Variants in GMDS observed in about 807,000 individuals in gnomAD.
GMDS encodes GDP-mannose 4,6 dehydratase.
A neutral mutation model predicts 49.9 loss-of-function variants in GMDS; 20 were observed. The observed-to-expected ratio is 0.40, with a 90% CI of 0.28 to 0.58. GMDS has a LOEUF of 0.58. Among genes scored for constraint, GMDS ranks in the 20% least tolerant of loss-of-function variants. The pLI is 0.42. For missense variants in GMDS, 362 were observed against 481.4 expected, an observed-to-expected ratio of 0.75 and a Z score of 2.32; for synonymous variants, 177 against 178.6, an observed-to-expected ratio of 0.99 and a Z score of 0.07.
chr6:2,025,359 T>G (rs1000522325), intron 4 of GMDS, among the ~76,000 whole-genome samples: 8 of 536 alleles, frequency 0.015, no homozygotes, highest in East Asian at 0.17. Flanking sequence ...GATGGTGGGG[T>G]GTGTGTGTGT....
chr6:1,653,782 C>G (rs1429154152), intron 9 of GMDS, among the ~76,000 whole-genome samples: 1 of 152,130 alleles, frequency 6.6e-6, no homozygotes, highest in Non-Finnish European at 1.5e-5. Flanking sequence ...TACCTTACAT[C>G]GTACATAAAA....
chr6:1,975,889 A>G (rs572048373), intron 4 of GMDS, among the ~76,000 whole-genome samples: 1 of 152,352 alleles, frequency 6.6e-6, no homozygotes, highest in African/African-American at 2.4e-5. Flanking sequence ...AGCAGAGTAG[A>G]AAGCAGAGTC....
At position 2,221,579 on chromosome 6, in the gene GMDS, G is replaced by A. The variant is rs868237678; in HGVS notation, c.102+23742C>T. On this transcript the variant is annotated intron_variant, in intron 1 of 10. Transcript: ENST00000380815. ...AATTTTTTGTATTTTTAGTAGAGAC[G>A]GGGTTTCACCGTGTTAGCTAGGATG... Among the ~76,000 whole-genome samples the A allele has an allele frequency of 5.3e-5, 8 of 152,052 alleles. No homozygotes were observed. The South Asian group carries it at 8.3e-4, about 16-fold the overall frequency.
At chr6:2,147,940 T>C (rs1419815999) in intron 1 of GMDS, among the ~76,000 whole-genome samples, 2 of 151,260 alleles carry the variant, frequency 1.3e-5, no homozygotes, top group African/African-American at 4.9e-5. Context: ...TAACAAAATA[T>C]TTATATATTG....
chr6:1,708,558 A>G (rs1765823097), intron 9 of GMDS, among the ~76,000 whole-genome samples: 1 of 152,250 alleles, frequency 6.6e-6, no homozygotes, highest in African/African-American at 2.4e-5. Context: ...ACTGCATCAG[A>G]TAACTGGTGC....
intron 7 of GMDS, among the ~76,000 whole-genome samples, chr6:1,898,863 T>C (rs1760355408): frequency 6.6e-6 from 1 of 152,136 alleles, no homozygotes. Context: ...GGATTTCCAA[T>C]GAACAGGACT....
At chr6:1,876,085 T>C (rs1353957044) in intron 7 of GMDS, among the ~76,000 whole-genome samples, 1 of 151,258 alleles carries the variant, frequency 6.6e-6, no homozygotes, top group Non-Finnish European at 1.5e-5. Context: ...TATATCTTCA[T>C]TTTAAAAAAT....
intron 6 of GMDS, among the ~76,000 whole-genome samples, chr6:1,954,191 G>A (rs1763509860): frequency 6.6e-6 from 1 of 152,228 alleles, no homozygotes; most frequent in South Asian, 2.1e-4. Flanking sequence ...AAAGGAAAAA[G>A]CAGTTTATTA....
At chr6:1,825,333 G>A (rs937987409) in intron 7 of GMDS, among the ~76,000 whole-genome samples, 2 of 152,138 alleles carry the variant, frequency 1.3e-5, no homozygotes, top group African/African-American at 4.8e-5. Context: ...TCTTAAAAAT[G>A]GACCAAACCA....
intron 4 of GMDS, among the ~76,000 whole-genome samples, chr6:2,027,621 TAA>T (rs939666013): frequency 1.3e-5 from 2 of 151,982 alleles, no homozygotes; most frequent in African/African-American, 4.8e-5. Context: ...ACATGGCAGC[TAA>T]AGGCAAGGAA....
intron 1 of GMDS, among the ~76,000 whole-genome samples, chr6:2,147,668 C>G (rs1776629651): frequency 6.6e-6 from 1 of 151,688 alleles, no homozygotes; most frequent in African/African-American, 2.4e-5. Context: ...CCACCACCAT[C>G]CATCAAGTGA....
chr6:2,063,810 AGT>A (rs1305400036), intron 4 of GMDS, among the ~76,000 whole-genome samples: 1 of 152,242 alleles, frequency 6.6e-6, no homozygotes, highest in African/African-American at 2.4e-5. Context: ...ACAAGACAAA[AGT>A]CACTTTTGTT....
intron 9 of GMDS, among the ~76,000 whole-genome samples, chr6:1,674,556 CTCTCTT>C (rs1186375837): frequency 2.1e-3 from 175 of 85,244 alleles, no homozygotes; most frequent in African/African-American, 6.0e-3. Context: ...CTCTCTCTCT[CTCTCTT>C]TTTTTTTTTT....
chr6:2,013,925 C>CACATATATATATAT (rs1767721969), intron 4 of GMDS, among the ~76,000 whole-genome samples: 2 of 125,122 alleles, frequency 1.6e-5, no homozygotes, highest in South Asian at 2.3e-4. Context: ...GGATAAAAAC[C>CACATATATATATAT]ATATATATAT....
At chr6:1,993,105 G>A (rs1266946427) in intron 4 of GMDS, among the ~76,000 whole-genome samples, 1 of 151,944 alleles carries the variant, frequency 6.6e-6, no homozygotes, top group African/African-American at 2.4e-5. Context: ...CGCTCACAGT[G>A]CTCTGTCACC....
chr6:1,822,469 G>A lies in GMDS; in HGVS notation c.772-79883C>T, dbSNP rs140203917. 3.1e-4 allele frequency among the ~76,000 whole-genome samples: 47 copies of A among 152,196 alleles called. 1 individual carries two copies. The East Asian group carries it at 4.6e-3, about 15-fold the overall frequency. On this transcript the variant is annotated intron_variant, in intron 7 of 10. Coordinates refer to ENST00000380815, the MANE Select transcript of GMDS (RefSeq NM_001500.4). The stretch of plus-strand genomic sequence containing the variant: ...GGAAAAAAATACATATACAAACTCC[G>A]GTAATAATCTGACGAATTCCAAGAG...
chr6:1,993,660 T>C (rs578008579), intron 4 of GMDS, among the ~76,000 whole-genome samples: 1 of 152,248 alleles, frequency 6.6e-6, no homozygotes, highest in Admixed American at 6.5e-5. Context: ...CAAAGCTCTA[T>C]TTTATAAATG....
At chr6:2,146,404 G>T (rs1776562140) in intron 1 of GMDS, among the ~76,000 whole-genome samples, 1 of 152,188 alleles carries the variant, frequency 6.6e-6, no homozygotes, top group South Asian at 2.1e-4. Context: ...GAAGACAGTC[G>T]AGTTAACTGA....
chr6:1,709,949 C>G (rs1268147554), intron 9 of GMDS, among the ~76,000 whole-genome samples: 2 of 152,172 alleles, frequency 1.3e-5, no homozygotes, highest in African/African-American at 4.8e-5. Flanking sequence ...CAGCTTTTGG[C>G]TTAACTGCAG....
Sources: allele counts gnomAD v4.1 joint callset (sites outside exome capture counted in the v4.1 genomes callset), GRCh38; gene constraint gnomAD v4.1.1; transcripts MANE v1.5; gene names NCBI Gene and HGNC (gene_info 2026-07-23, HGNC 2026-07-21).